FNIP1: variants seen among roughly 807,000 people sequenced by gnomAD.
FNIP1 encodes the protein folliculin-interacting protein 1.
Under a neutral mutation model 124.5 loss-of-function variants are expected in FNIP1, and 40 were observed. The observed-to-expected ratio is 0.32, with a 90% confidence interval of 0.25 to 0.42. FNIP1 has a LOEUF of 0.42. Among genes scored for constraint, FNIP1 ranks in the 10% least tolerant of loss-of-function variants. FNIP1 has a pLI of 1.00. For missense variants in FNIP1, 1,176 were observed against 1,403.7 expected, an observed-to-expected ratio of 0.84 and a Z score of 2.59; for synonymous variants, 472 against 470.6, an observed-to-expected ratio of 1.00 and a Z score of -0.04.
chr5:131,762,574 C>T (rs1771266913), intron 1 of FNIP1, among the ~76,000 whole-genome samples: 1 of 152,104 alleles, frequency 6.6e-6, no homozygotes, highest in African/African-American at 2.4e-5. Flanking sequence ...GTTAAAATGG[C>T]TTTTATCCAA....
chr5:131,710,899 T>G (rs1214483296), intron 6 of FNIP1, among the ~76,000 whole-genome samples: 2 of 152,260 alleles, frequency 1.3e-5, no homozygotes, highest in African/African-American at 4.8e-5. Context: ...AATCTATATG[T>G]AATAAAAACA....
At chr5:131,702,339 G>A (rs1768930983) in intron 10 of FNIP1, among the ~76,000 whole-genome samples, 1 of 151,930 alleles carries the variant, frequency 6.6e-6, no homozygotes, top group Non-Finnish European at 1.5e-5. Context: ...CCCATGCCTG[G>A]CTAATTTTTA....
intron 11 of FNIP1, among the ~76,000 whole-genome samples, chr5:131,693,339 T>TATATATACAC (rs1561658378): frequency 2.4e-5 from 3 of 125,608 alleles, no homozygotes; most frequent in South Asian, 2.5e-4. Context: ...TATACATATA[T>TATATATACAC]ATATATATAT....
At chr5:131,765,270 A>G (rs1211617140) in intron 1 of FNIP1, among the ~76,000 whole-genome samples, 1 of 152,192 alleles carries the variant, frequency 6.6e-6, no homozygotes, top group Non-Finnish European at 1.5e-5. Context: ...AGTTAATGGA[A>G]GTGTTTGAGG....
chr5:131,679,092 T>C lies in FNIP1; in HGVS notation c.1286A>G (p.Asn429Ser). Reference sequence around the variant, plus strand: ...CTTCATGAAACGATAGCAAAGGTGGTTCTTTTCTGGAGTCCCCGACATCAT... The same window carrying C: ...CTTCATGAAACGATAGCAAAGGTGGCTCTTTTCTGGAGTCCCCGACATCAT... ...LTMMSGTPEKNHLCYRFMKEF... is the reference protein window; with the variant it reads ...LTMMSGTPEKSHLCYRFMKEF... The change falls in exon 12 of 18, where the codon AAC becomes AGC. Residue 429 changes from asparagine to serine, a missense_variant. By Grantham distance (46) the Asn-to-Ser change is conservative. Transcript: ENST00000510461. The C allele has an allele frequency of 6.2e-7, 1 of 1,612,772 alleles. No homozygotes were observed. Among genetic ancestry groups the C allele is most frequent in the Non-Finnish European group, 8.5e-7 (1 of 1,179,116 alleles).
intron 10 of FNIP1, among the ~76,000 whole-genome samples, chr5:131,699,395 CTT>C (rs1230600109): frequency 1.3e-4 from 18 of 135,968 alleles, no homozygotes; most frequent in South Asian, 2.3e-4. Context: ...CTGTTAACTC[CTT>C]TTTTTTTTTT....
At chr5:131,644,838 C>A in intron 17 of FNIP1, 75 bp from the exon 18 acceptor site, 1 of 1,406,818 alleles carries the variant, frequency 7.1e-7, no homozygotes, top group South Asian at 1.2e-5. Flanking sequence ...CAATGACCAC[C>A]AACTGTAAGG....
chr5:131,763,036 G>A (rs1019442344), intron 1 of FNIP1, among the ~76,000 whole-genome samples: 2 of 152,082 alleles, frequency 1.3e-5, no homozygotes, highest in Non-Finnish European at 2.9e-5. Flanking sequence ...AGTGGCAGGG[G>A]GAGTGAGGAT....
intron 1 of FNIP1, among the ~76,000 whole-genome samples, chr5:131,766,499 CAT>C (rs1433264222): frequency 6.6e-6 from 1 of 152,194 alleles, no homozygotes; most frequent in Non-Finnish European, 1.5e-5. Flanking sequence ...GCCCAAATGT[CAT>C]AGTCTAGAAG....
At chr5:131,758,989 G>T (rs1771138361) in intron 1 of FNIP1, among the ~76,000 whole-genome samples, 1 of 151,864 alleles carries the variant, frequency 6.6e-6, no homozygotes, top group African/African-American at 2.4e-5. Context: ...TTCATGGAGG[G>T]GGAATGGTGC....
intron 6 of FNIP1, among the ~76,000 whole-genome samples, chr5:131,715,468 A>G (rs1296466146): frequency 6.6e-6 from 1 of 152,192 alleles, no homozygotes; most frequent in Non-Finnish European, 1.5e-5. Flanking sequence ...CCTGGGTGAC[A>G]GAGTGAGATT....
chr5:131,745,158 C>CA (rs1172916159), intron 1 of FNIP1, among the ~76,000 whole-genome samples: 334 of 134,338 alleles, frequency 2.5e-3, no homozygotes, highest in Middle Eastern at 7.6e-3. Context: ...AAAAACAAGC[C>CA]AAAAAAAAAA....
chr5:131,681,160 C>T (rs936397664), intron 11 of FNIP1, among the ~76,000 whole-genome samples: 5 of 152,260 alleles, frequency 3.3e-5, no homozygotes, highest in African/African-American at 9.6e-5. Context: ...TTTCCAAACT[C>T]TTCCTGGCAT....
intron 5 of FNIP1, among the ~76,000 whole-genome samples, chr5:131,717,791 A>C (rs1769518479): frequency 6.6e-6 from 1 of 152,172 alleles, no homozygotes; most frequent in South Asian, 2.1e-4. Flanking sequence ...CCAACATGGA[A>C]TCTTTAATTT....
chr5:131,791,898 T>TA (rs1337753854), intron 1 of FNIP1, among the ~76,000 whole-genome samples: 1 of 151,302 alleles, frequency 6.6e-6, no homozygotes, highest in African/African-American at 2.4e-5. Flanking sequence ...AAGTCAAGGC[T>TA]AGCAAATTAG....
At chr5:131,735,884 T>C (rs996026799) in intron 2 of FNIP1, among the ~76,000 whole-genome samples, 28 of 151,888 alleles carry the variant, frequency 1.8e-4, no homozygotes, top group African/African-American at 6.8e-4. Context: ...TATAATATCC[T>C]AGCTATCTCC....
chr5:131,658,907 C>CAAAAAAAAAAAAAAAAAAAA (rs70974003), intron 15 of FNIP1, among the ~76,000 whole-genome samples: 1 of 41,164 alleles, frequency 2.4e-5, no homozygotes, highest in Admixed American at 3.9e-4. Context: ...TGGGTCTAGC[C>CAAAAAAAAAAAAAAAAAAAA]AAAAAAAAAA....
chr5:131,738,093 C>A (rs1347383291), intron 2 of FNIP1, among the ~76,000 whole-genome samples: 2 of 152,056 alleles, frequency 1.3e-5, no homozygotes, highest in African/African-American at 4.8e-5. Context: ...GAGTTGAGTT[C>A]TCACCATATT....
chr5:131,765,953 G>A (rs1000029077), intron 1 of FNIP1, among the ~76,000 whole-genome samples: 3 of 152,010 alleles, frequency 2.0e-5, no homozygotes, highest in Non-Finnish European at 4.4e-5. Context: ...ATGCTCTGCT[G>A]TTTCAGAAAA....
Sources: allele counts gnomAD v4.1 joint callset (sites outside exome capture counted in the v4.1 genomes callset), GRCh38; gene constraint gnomAD v4.1.1; transcripts MANE v1.5; gene names NCBI Gene and HGNC (gene_info 2026-07-23, HGNC 2026-07-21).